Variants in AKR1C3 observed in about 807,000 individuals in gnomAD.
AKR1C3 encodes the protein aldo-keto reductase family 1 member C3, also known as 3-alpha hydroxysteroid dehydrogenase, type II.
Under a neutral mutation model 43.6 loss-of-function variants are expected in AKR1C3, and 48 were observed. That is an observed-to-expected ratio of 1.10 (90% CI 0.87 to 1.40). The LOEUF (loss-of-function observed/expected upper bound fraction) is 1.40. Ranked by LOEUF, AKR1C3 falls within the 40% of genes most tolerant of loss-of-function variation. The pLI is 0.00. For synonymous variants in AKR1C3, 162 were observed against 139.6 expected (o/e 1.16, Z -1.13); for missense variants, 482 against 391.2 (o/e 1.23, Z -1.96).
At chr10:5,060,099 G>C (rs557142403) in intron 1 of AKR1C3, among the ~76,000 whole-genome samples, 30 of 152,226 alleles carry the variant, frequency 2.0e-4, no homozygotes, top group East Asian at 3.9e-4. Flanking sequence ...TGGTGGGTTC[G>C]TGGTCTTGCT....
intron 2 of AKR1C3, 71 bp from the exon 3 acceptor site, chr10:5,097,363 T>G: frequency 6.4e-7 from 1 of 1,556,506 alleles, no homozygotes; most frequent in African/African-American, 1.4e-5. Flanking sequence ...ATCTAAATAC[T>G]AGATGGCACA....
chr10:5,069,828 C>G (rs1166550206), intron 1 of AKR1C3, among the ~76,000 whole-genome samples: 2 of 151,864 alleles, frequency 1.3e-5, no homozygotes, highest in Non-Finnish European at 2.9e-5. Flanking sequence ...GAGCTGAGAT[C>G]ACACCATTGC....
intron 1 of AKR1C3, among the ~76,000 whole-genome samples, chr10:5,087,605 A>G (rs868953619): frequency 2.0e-5 from 3 of 151,564 alleles, no homozygotes; most frequent in Admixed American, 1.3e-4. Flanking sequence ...CGAACTCTTG[A>G]CCTCAAGTGA....
At chr10:5,055,856 G>A (rs1463895782) in intron 1 of AKR1C3, among the ~76,000 whole-genome samples, 5 of 152,150 alleles carry the variant, frequency 3.3e-5, no homozygotes, top group Non-Finnish European at 7.4e-5. Context: ...CTGTATCTGG[G>A]GATCCATAGT....
chr10:5,097,627 G>A, intron 3 of AKR1C3, 77 bp downstream of exon 3: 2 of 1,604,214 alleles, frequency 1.2e-6, no homozygotes, highest in Non-Finnish European at 8.5e-7. Flanking sequence ...GTTGAACAGA[G>A]CTTTTTATTA....
intron 1 of AKR1C3, among the ~76,000 whole-genome samples, chr10:5,066,089 A>G (rs533765293): frequency 1.3e-5 from 2 of 152,296 alleles, no homozygotes; most frequent in South Asian, 4.1e-4. Context: ...GAGGAAATGA[A>G]TTGGGTTAAA....
At chr10:5,088,591 T>A (rs12263243) in intron 1 of AKR1C3, among the ~76,000 whole-genome samples, 37,837 of 151,292 alleles carry the variant, frequency 0.25, 4,896 homozygotes, top group Middle Eastern at 0.37. Context: ...TCTGTCTTTT[T>A]AAAATATCAT....
At chr10:5,064,716 G>C (rs987407122) in intron 1 of AKR1C3, among the ~76,000 whole-genome samples, 6 of 151,982 alleles carry the variant, frequency 3.9e-5, no homozygotes, top group Admixed American at 1.3e-4. Flanking sequence ...TAAAAAGTGG[G>C]GAAAATACGT....
chr10:5,051,019 G>A (rs1838141965), intron 1 of AKR1C3, among the ~76,000 whole-genome samples: 1 of 152,200 alleles, frequency 6.6e-6, no homozygotes, highest in African/African-American at 2.4e-5. Context: ...AAATAGAAAA[G>A]GTCAGAATGA....
rs782690929 is a variant in AKR1C3, at chr10:5,102,115, G to C, written c.585G>C (p.Pro195=). ...KPVCNQVECH[P]YFNRSKLLDF... ...GTCAACTGCAGGTAGAATGTCATCC[G>C]TATTTCAACCGGAGTAAATTGCTAG... The change falls in exon 6 of 9, where the codon CCG becomes CCC. Residue 195 remains proline (P), a synonymous_variant. Transcript: ENST00000380554. The C allele has an allele frequency of 1.2e-6, 2 of 1,612,334 alleles. No individual in the cohort carries two copies. The highest frequency in any genetic ancestry group is 2.2e-5 in the South Asian group (2 of 91,014).
chr10:5,057,502 T>C (rs141466779), intron 1 of AKR1C3, among the ~76,000 whole-genome samples: 4 of 151,928 alleles, frequency 2.6e-5, no homozygotes, highest in East Asian at 3.9e-4. Flanking sequence ...TTAGAATCAA[T>C]TGACCCTCGA....
chr10:5,068,781 C>A (rs1359105947), intron 1 of AKR1C3, among the ~76,000 whole-genome samples: 1 of 152,132 alleles, frequency 6.6e-6, no homozygotes, highest in Non-Finnish European at 1.5e-5. Context: ...TGGGAGCCTC[C>A]CAAGAAGGCC....
rs368391900 is a variant in AKR1C3 at position 5,085,648 on chromosome 10, C to T, written c.85-10762C>T. Among the ~76,000 whole-genome samples the T allele has an allele frequency of 4.5e-3, 680 of 151,886 alleles. 24 individuals carry two copies. Among genetic ancestry groups the T allele is most frequent in the African/African-American group, 0.013 (540 of 41,238 alleles). On this transcript the variant is annotated intron_variant, in intron 1 of 8. Transcript: ENST00000439082. ...TTGATTGGAATAGTTTCAGAAGGAA[C>T]GGTACCAGCTCTTCTTTGTACCTGT...
chr10:5,063,764 G>GGAAAAAA (rs1406943359), intron 1 of AKR1C3, among the ~76,000 whole-genome samples: 1 of 33,446 alleles, frequency 3.0e-5, no homozygotes, highest in East Asian at 7.1e-4. Context: ...CTCTGTCTCA[G>GGAAAAAA]CAAAAAAAAA....
At position 5,096,559 on chromosome 10, in the gene AKR1C3, CAT is replaced by C. The variant is rs767574998; in HGVS notation, c.237_238del (p.Phe80LeufsTer32). Reference sequence around the variant, plus strand: ...CAGATGGCAGTGTGAAGAGAGAAGACATATTCTACACTTCAAAGGTACTGTGT... The same window carrying C: ...CAGATGGCAGTGTGAAGAGAGAAGACATTCTACACTTCAAAGGTACTGTGT... ...IADGSVKREDIFYTSKLWSTF... is the reference protein window; with the variant it reads ...IADGSVKREDXFYTSKLWSTF... On this transcript the variant is annotated frameshift_variant, in exon 2 of 9. Transcript: ENST00000380554. LOFTEE classifies it high-confidence loss of function. 6.2e-7 allele frequency: 1 copy of C among 1,613,362 alleles called. No homozygotes were observed. Among genetic ancestry groups the C allele is most frequent in the Admixed American group, 1.7e-5 (1 of 59,962 alleles).
At chr10:5,089,753 A>T (rs7477623), upstream of AKR1C3, among the ~76,000 whole-genome samples, 1 of 151,896 alleles carries the variant, frequency 6.6e-6, no homozygotes, top group Non-Finnish European at 1.5e-5. Flanking sequence ...TTTTGATTAG[A>T]GTCCATTGCT....
intron 5 of AKR1C3, among the ~76,000 whole-genome samples, chr10:5,100,801 G>A (rs1391982267): frequency 6.6e-6 from 1 of 151,972 alleles, no homozygotes; most frequent in Non-Finnish European, 1.5e-5. Context: ...CAAACTTTCA[G>A]AAAATTTGAT....
At chr10:5,062,583 G>C (rs879988391) in intron 1 of AKR1C3, among the ~76,000 whole-genome samples, 18 of 152,186 alleles carry the variant, frequency 1.2e-4, no homozygotes, top group Non-Finnish European at 2.4e-4. Context: ...TGTTCCACCT[G>C]CACTTTCTTA....
intron 1 of AKR1C3, among the ~76,000 whole-genome samples, chr10:5,079,696 T>C (rs1450868977): frequency 6.6e-6 from 1 of 151,810 alleles, no homozygotes; most frequent in East Asian, 1.9e-4. Context: ...CCTCTCTCTC[T>C]CCCCCATTAC....
Sources: gnomAD v4.1 joint callset for allele counts (sites outside exome capture counted in the v4.1 genomes callset) on GRCh38, gnomAD v4.1.1 for gene constraint, MANE v1.5 for transcripts, NCBI Gene and HGNC (gene_info 2026-07-23, HGNC 2026-07-21) for gene names.